TLL1: variants seen among roughly 807,000 people sequenced by gnomAD.
TLL1 encodes the protein tolloid like 1.
TLL1 carries 49 observed loss-of-function variants against 128.2 expected under a neutral mutation model. That is an observed-to-expected ratio of 0.38 (90% confidence interval 0.30 to 0.48). The LOEUF (loss-of-function observed/expected upper bound fraction) is 0.48. Ranked by LOEUF, TLL1 falls within the 20% of genes least tolerant of loss-of-function variation. TLL1 has a pLI of 0.96. For synonymous variants in TLL1, 454 were observed against 418.8 expected (o/e 1.08, Z -1.03); for missense variants, 1,123 against 1,242.0 (o/e 0.90, Z 1.44).
intron 20 of TLL1, 105 bp from the exon 21 acceptor site, chr4:166,100,637 A>C (rs916413666): frequency 4.8e-6 from 7 of 1,468,292 alleles, no homozygotes; most frequent in Non-Finnish European, 6.6e-6. Flanking sequence ...TGGGAGGATT[A>C]AATTATATTC....
At chr4:166,005,187 C>T (rs1007271335) in intron 6 of TLL1, among the ~76,000 whole-genome samples, 8 of 151,936 alleles carry the variant, frequency 5.3e-5, no homozygotes, top group Admixed American at 3.3e-4. Flanking sequence ...ATTGATAAAA[C>T]AGCATGTTTT....
At chr4:165,924,947 C>A (rs1733202049) in intron 1 of TLL1, among the ~76,000 whole-genome samples, 1 of 152,182 alleles carries the variant, frequency 6.6e-6, no homozygotes, top group African/African-American at 2.4e-5. Flanking sequence ...TAATACAGAA[C>A]ACCTGTTTAC....
intron 1 of TLL1, among the ~76,000 whole-genome samples, chr4:165,978,985 AC>A (rs1736014095): frequency 6.6e-6 from 1 of 152,118 alleles, no homozygotes; most frequent in Non-Finnish European, 1.5e-5. Context: ...ATACTTTGTA[AC>A]CTAGATCTAT....
In TLL1 at chr4:166,007,985, A is replaced by T; in HGVS notation, c.854A>T (p.Asn285Ile). 6.2e-7 allele frequency: 1 copy of T among 1,609,672 alleles called. No homozygotes were observed. The highest frequency in any genetic ancestry group is 8.5e-7 in the Non-Finnish European group (1 of 1,176,842). The change falls in exon 7 of 21, where the codon AAC (asparagine) becomes ATC (isoleucine). Residue 285 changes from asparagine (N) to isoleucine (I), a missense_variant. Asn to Ile is a moderately radical substitution (Grantham distance 149, BLOSUM62 -3). This residue lies in a region of TLL1 where 480 missense variants were observed against 542.4 expected (regional missense o/e 0.89). Coordinates refer to ENST00000061240, the MANE Select transcript of TLL1 (RefSeq NM_012464.5). ...CTGAAGATGGAGCCTGGAGAAGTAA[A>T]CTCACTTGGAGAAAGATATGATTTC... is the stretch of plus-strand genomic sequence containing the variant. ...NFLKMEPGEV[N>I]SLGERYDFDS...
At chr4:166,078,062 A>G (rs1387534788) in intron 18 of TLL1, 32 bp downstream of exon 18, 4 of 1,612,054 alleles carry the variant, frequency 2.5e-6, no homozygotes, top group Non-Finnish European at 3.4e-6. Flanking sequence ...CTTTCCATTA[A>G]GCTGACTGCC....
chr4:165,977,933 C>A (rs1026997195), intron 1 of TLL1, among the ~76,000 whole-genome samples: 2 of 152,106 alleles, frequency 1.3e-5, no homozygotes, highest in Non-Finnish European at 2.9e-5. Flanking sequence ...GATTTCCTAG[C>A]ATCCTCTAAT....
In TLL1 at chr4:166,087,320, A is replaced by G. The variant is rs187037598; in HGVS notation, c.2443-3808A>G. On this transcript the variant is annotated intron_variant, in intron 18 of 20. Transcript: ENST00000061240. ...AAACAAAAACATCTACAACTGTTAA[A>G]TAATTATCCATCATAAATCCATAAA... Among the ~76,000 whole-genome samples, 215 of 152,296 alleles carry G rather than the reference A, an allele frequency of 1.4e-3. 1 individual carries two copies. Among genetic ancestry groups the G allele is most frequent in the Non-Finnish European group, 2.5e-3 (168 of 68,014 alleles).
At chr4:165,963,065 A>G (rs1735195208) in intron 1 of TLL1, among the ~76,000 whole-genome samples, 1 of 149,824 alleles carries the variant, frequency 6.7e-6, no homozygotes, top group Admixed American at 6.6e-5. Flanking sequence ...AAAAAAAAAA[A>G]AAAAAAAAAA....
intron 9 of TLL1, chr4:166,030,932 T>A (rs72974358): frequency 4.1e-6 from 4 of 978,918 alleles, no homozygotes; most frequent in Non-Finnish European, 4.9e-6. Flanking sequence ...ACATTTAACT[T>A]TGTTTTAAAT....
chr4:165,886,795 T>C (rs1420888701), intron 1 of TLL1, among the ~76,000 whole-genome samples: 1 of 152,182 alleles, frequency 6.6e-6, no homozygotes, highest in Non-Finnish European at 1.5e-5. Context: ...ATTTTCCATC[T>C]GTAGTTGGTT....
intron 1 of TLL1, among the ~76,000 whole-genome samples, chr4:165,935,568 A>C (rs947735820): frequency 6.6e-6 from 1 of 152,206 alleles, no homozygotes; most frequent in Non-Finnish European, 1.5e-5. Context: ...AAGAAATAGA[A>C]CATTTCCACT....
chr4:166,084,263 C>T (rs1177543105), intron 18 of TLL1, among the ~76,000 whole-genome samples: 1 of 151,948 alleles, frequency 6.6e-6, no homozygotes, highest in Non-Finnish European at 1.5e-5. Flanking sequence ...TGTTTGAGTT[C>T]CTTTTATATT....
chr4:165,887,380 C>A (rs558102804), intron 1 of TLL1, among the ~76,000 whole-genome samples: 1 of 151,936 alleles, frequency 6.6e-6, no homozygotes, highest in South Asian at 2.1e-4. Context: ...AGGTAAGAGA[C>A]CAGTGACCAG....
At chr4:165,899,798 A>G (rs1289225813) in intron 1 of TLL1, among the ~76,000 whole-genome samples, 1 of 152,010 alleles carries the variant, frequency 6.6e-6, no homozygotes, top group Admixed American at 6.5e-5. Flanking sequence ...TGTCTCGTTG[A>G]TCTGTCTAAT....
chr4:166,023,604 T>C (rs1738344436), intron 8 of TLL1, among the ~76,000 whole-genome samples: 2 of 152,230 alleles, frequency 1.3e-5, no homozygotes, highest in Admixed American at 6.5e-5. Flanking sequence ...TCAGCTAGCC[T>C]GGGACAATCA....
chr4:166,014,213 CAAAT>C (rs1035911632), intron 7 of TLL1, among the ~76,000 whole-genome samples: 22 of 151,802 alleles, frequency 1.4e-4, no homozygotes, highest in African/African-American at 2.7e-4. Flanking sequence ...TTCAAGGAAA[CAAAT>C]GAATGTCATC....
intron 14 of TLL1, among the ~76,000 whole-genome samples, chr4:166,057,767 T>G (rs1740099967): frequency 6.6e-6 from 1 of 152,080 alleles, no homozygotes; most frequent in East Asian, 1.9e-4. Flanking sequence ...GGGGACTCCT[T>G]TTTGTAAAAT....
intron 1 of TLL1, among the ~76,000 whole-genome samples, chr4:165,963,639 C>A (rs1735227919): frequency 6.6e-6 from 1 of 152,066 alleles, no homozygotes; most frequent in Non-Finnish European, 1.5e-5. Context: ...AAGAAATACA[C>A]AGAATTTTTG....
chr4:166,032,639 A>T (rs1358725503), intron 9 of TLL1, among the ~76,000 whole-genome samples: 1 of 152,158 alleles, frequency 6.6e-6, no homozygotes, highest in Non-Finnish European at 1.5e-5. Flanking sequence ...TATGTGAAAA[A>T]ATTAAACAAG....
Sources: gnomAD v4.1 joint callset for allele counts (sites outside exome capture counted in the v4.1 genomes callset) on GRCh38, gnomAD v4.1.1 for gene constraint, gnomAD v4.1.1 regional missense constraint, MANE v1.5 for transcripts, NCBI Gene and HGNC (gene_info 2026-07-23, HGNC 2026-07-21) for gene names.